CADM2: variants seen among roughly 807,000 people sequenced by gnomAD.
CADM2 encodes cell adhesion molecule 2.
A neutral mutation model predicts 49.8 loss-of-function variants in CADM2; 12 were observed. The ratio of observed to expected loss-of-function variants is 0.24; its 90% CI spans 0.15 to 0.39. CADM2 has a LOEUF of 0.39. Among genes scored for constraint, CADM2 ranks in the 10% least tolerant of loss-of-function variants. CADM2 has a pLI of 1.00. For synonymous variants in CADM2, 214 were observed against 175.4 expected (o/e 1.22, Z -1.74); for missense variants, 378 against 492.3 (o/e 0.77, Z 2.20).
intron 7 of CADM2, among the ~76,000 whole-genome samples, chr3:85,950,536 G>A (rs1231411291): frequency 1.3e-5 from 2 of 151,004 alleles, no homozygotes; most frequent in African/African-American, 4.8e-5. Context: ...TACCTTATCA[G>A]TAAAAAGTAG....
At chr3:85,498,418 T>G (rs1171436647) in intron 1 of CADM2, among the ~76,000 whole-genome samples, 1 of 152,108 alleles carries the variant, frequency 6.6e-6, no homozygotes, top group African/African-American at 2.4e-5. Flanking sequence ...AATTCATGAT[T>G]TGTATATCGG....
At chr3:85,674,682 A>G (rs758319383) in intron 1 of CADM2, among the ~76,000 whole-genome samples, 1 of 152,168 alleles carries the variant, frequency 6.6e-6, no homozygotes, top group African/African-American at 2.4e-5. Context: ...TGAATGATAA[A>G]TATGTCCAAG....
chr3:85,769,159 A>G (rs2069846800), intron 2 of CADM2, among the ~76,000 whole-genome samples: 1 of 75,996 alleles, frequency 1.3e-5, no homozygotes, highest in Admixed American at 2.1e-4. Flanking sequence ...ATATATACAT[A>G]TATAGTATAT....
intron 1 of CADM2, among the ~76,000 whole-genome samples, chr3:85,492,854 A>G (rs2107649807): frequency 6.6e-6 from 1 of 152,270 alleles, no homozygotes; most frequent in Non-Finnish European, 1.5e-5. Flanking sequence ...TGAGCACAAG[A>G]CAGAGGTGCT....
rs111371766 is a variant in CADM2, at chr3:85,949,191, A to C, written c.792-12278A>C. On this transcript the variant is annotated intron_variant, in intron 7 of 9. Coordinates refer to ENST00000383699, the MANE Select transcript of CADM2 (RefSeq NM_001167675.2). ...TATTAATGAGTTACAAAATCAATTT[A>C]TATGACTTTTTTTTAAAAAGAAAAT... 9.3e-4 allele frequency among the ~76,000 whole-genome samples: 141 copies of C among 151,560 alleles called. 1 individual carries two copies. The highest frequency in any genetic ancestry group is 3.3e-3 in the African/African-American group (138 of 41,436).
rs1255409030 is a variant in CADM2, at chr3:86,013,283, A to G, written c.970+51636A>G. On this transcript the variant is annotated intron_variant, in intron 8 of 9. Coordinates refer to ENST00000383699, the MANE Select transcript of CADM2 (RefSeq NM_001167675.2). ...CCAGTGAAGAAGAGGGTGAAGGGCA[A>G]GATGAGGACATTTTACCTCTATCCC... is the stretch of plus-strand genomic sequence containing the variant. 25 of 1,527,730 alleles carry G rather than the reference A, an allele frequency of 1.6e-5. No homozygotes were observed. In the East Asian group the frequency reaches 5.6e-4, roughly 34 times the overall value. The allele number at this position is 1,527,730 out of a possible 1,614,324, so 94.6% of individuals were successfully genotyped here. A position where few individuals can be genotyped will look rare whatever the true frequency, so the allele number is the denominator to read the frequency against.
chr3:85,535,343 T>C (rs750056369), intron 1 of CADM2, among the ~76,000 whole-genome samples: 12 of 152,072 alleles, frequency 7.9e-5, no homozygotes, highest in Non-Finnish European at 1.5e-4. Flanking sequence ...ATGTTGGAGG[T>C]TTGGAACTCT....
intron 1 of CADM2, among the ~76,000 whole-genome samples, chr3:85,367,833 A>G (rs1018402332): frequency 2.6e-4 from 39 of 148,106 alleles, no homozygotes; most frequent in Admixed American, 1.2e-3. Flanking sequence ...ATACATATAT[A>G]TGTGTGTGTG....
chr3:85,155,465 A>G (rs2040077754), intron 1 of CADM2, among the ~76,000 whole-genome samples: 1 of 152,102 alleles, frequency 6.6e-6, no homozygotes, highest in Admixed American at 6.5e-5. Flanking sequence ...CTATAAAGAA[A>G]CTTAGACTCC....
intron 2 of CADM2, among the ~76,000 whole-genome samples, chr3:85,754,774 T>A (rs1489732064): frequency 1.3e-5 from 2 of 152,020 alleles, no homozygotes; most frequent in African/African-American, 4.8e-5. Context: ...AACATTGTCA[T>A]GACTGTCTCA....
intron 1 of CADM2, among the ~76,000 whole-genome samples, chr3:85,658,895 T>C (rs1464391010): frequency 6.7e-6 from 1 of 149,998 alleles, no homozygotes; most frequent in Non-Finnish European, 1.5e-5. Context: ...TACAAAAACA[T>C]AAAGCAATTA....
chr3:85,436,021 G>A (rs544259905), intron 1 of CADM2, among the ~76,000 whole-genome samples: 82 of 152,010 alleles, frequency 5.4e-4, no homozygotes, highest in Non-Finnish European at 9.4e-4. Flanking sequence ...AAACTCTTTA[G>A]TTTAATTAGA....
At chr3:85,557,608 C>G (rs1449775320) in intron 1 of CADM2, among the ~76,000 whole-genome samples, 2 of 151,918 alleles carry the variant, frequency 1.3e-5, no homozygotes, top group African/African-American at 4.8e-5. Context: ...GATAAGTTCA[C>G]ACATACAGCT....
chr3:85,120,476 C>A (rs2038816275), intron 1 of CADM2, among the ~76,000 whole-genome samples: 1 of 152,112 alleles, frequency 6.6e-6, no homozygotes, highest in South Asian at 2.1e-4. Context: ...CACATATACA[C>A]CATGGAATAC....
intron 1 of CADM2, among the ~76,000 whole-genome samples, chr3:85,506,078 A>G (rs944249578): frequency 6.6e-5 from 10 of 152,174 alleles, no homozygotes; most frequent in Non-Finnish European, 1.3e-4. Flanking sequence ...TGCAATTTCT[A>G]CTATCAGCAC....
intron 1 of CADM2, among the ~76,000 whole-genome samples, chr3:85,000,289 T>C (rs1203348654): frequency 6.6e-6 from 1 of 151,940 alleles, no homozygotes; most frequent in Non-Finnish European, 1.5e-5. Context: ...AATTATTTTT[T>C]TTTTGCCTTT....
At chr3:85,825,366 AG>A (rs1355832503) in intron 3 of CADM2, among the ~76,000 whole-genome samples, 12 of 152,086 alleles carry the variant, frequency 7.9e-5, no homozygotes, top group Admixed American at 7.9e-4. Context: ...ACTATCCCTA[AG>A]GCTGATATGG....
intron 1 of CADM2, among the ~76,000 whole-genome samples, chr3:85,536,863 A>G (rs2061432008): frequency 6.6e-6 from 1 of 151,998 alleles, no homozygotes; most frequent in African/African-American, 2.4e-5. Context: ...GTGGTTTTGT[A>G]ATATAACATT....
intron 1 of CADM2, among the ~76,000 whole-genome samples, chr3:84,973,652 A>C (rs1457256233): frequency 1.3e-5 from 2 of 152,166 alleles, no homozygotes; most frequent in Non-Finnish European, 2.9e-5. Flanking sequence ...AACAATATTT[A>C]GTTTTTTTAG....
Sources: gnomAD v4.1 joint callset for allele counts (sites outside exome capture counted in the v4.1 genomes callset) on GRCh38, gnomAD v4.1.1 for gene constraint, MANE v1.5 for transcripts, NCBI Gene and HGNC (gene_info 2026-07-23, HGNC 2026-07-21) for gene names.